PHF24: variants seen among roughly 807,000 people sequenced by gnomAD.
PHF24 encodes PHD finger protein 24, also known as Galpha inhibitory interacting protein.
Under a neutral mutation model 42.6 loss-of-function variants are expected in PHF24, and 25 were observed. That is an observed-to-expected ratio of 0.59 (90% CI 0.43 to 0.82). The LOEUF (loss-of-function observed/expected upper bound fraction) is 0.82. Ranked by LOEUF, PHF24 falls within the 40% of genes least tolerant of loss-of-function variation. PHF24 has a pLI of 0.00. For missense variants in PHF24, 470 were observed against 538.1 expected, an observed-to-expected ratio of 0.87 and a Z score of 1.25; for synonymous variants, 185 against 204.8, an observed-to-expected ratio of 0.90 and a Z score of 0.83.
the PHF24 span, among the ~76,000 whole-genome samples, chr9:34,862,131 C>T: frequency 6.6e-6 from 1 of 152,142 alleles, no homozygotes; most frequent in East Asian, 1.9e-4. Flanking sequence ...GGAAATCACC[C>T]ATCCCAGTAG....
the PHF24 span, among the ~76,000 whole-genome samples, chr9:34,703,023 A>T: frequency 2.0e-5 from 3 of 152,228 alleles, no homozygotes; most frequent in Admixed American, 2.0e-4. Context: ...GCTGAAGCTT[A>T]AGACATATTT....
At chr9:34,781,178 G>A in the PHF24 span, among the ~76,000 whole-genome samples, 3 of 152,180 alleles carry the variant, frequency 2.0e-5, no homozygotes, top group South Asian at 2.1e-4. Context: ...GTGCATAAAT[G>A]TTTATAACAG....
At chr9:34,785,078 T>C in the PHF24 span, among the ~76,000 whole-genome samples, 1 of 152,196 alleles carries the variant, frequency 6.6e-6, no homozygotes, top group Non-Finnish European at 1.5e-5. Flanking sequence ...AATTTATAAA[T>C]AAGAGAGATG....
At chr9:34,828,512 C>A in the PHF24 span, among the ~76,000 whole-genome samples, 2 of 152,166 alleles carry the variant, frequency 1.3e-5, no homozygotes, top group African/African-American at 4.8e-5. Context: ...CTGGAACAAA[C>A]CTCCTTGAAT....
At chr9:34,782,794 A>C in the PHF24 span, among the ~76,000 whole-genome samples, 1 of 152,184 alleles carries the variant, frequency 6.6e-6, no homozygotes, top group African/African-American at 2.4e-5. Context: ...GGAGAGGCCT[A>C]CATAGCAGTG....
the PHF24 span, among the ~76,000 whole-genome samples, chr9:34,874,703 C>T: frequency 6.6e-6 from 1 of 152,174 alleles, no homozygotes; most frequent in Non-Finnish European, 1.5e-5. Flanking sequence ...CAGAAAGGAT[C>T]AGCCTCTCAC....
chr9:34,918,184 T>G, the PHF24 span: 1 of 1,461,990 alleles, frequency 6.8e-7, no homozygotes, highest in Non-Finnish European at 9.6e-7. Flanking sequence ...AAGGGTTACT[T>G]TGAAGACCAT....
At chr9:34,815,270 G>C in the PHF24 span, among the ~76,000 whole-genome samples, 7 of 152,102 alleles carry the variant, frequency 4.6e-5, no homozygotes, top group Non-Finnish European at 8.8e-5. Flanking sequence ...TGGTTAATCT[G>C]TGTTGTTATT....
At chr9:34,730,110 T>C in the PHF24 span, among the ~76,000 whole-genome samples, 1 of 152,224 alleles carries the variant, frequency 6.6e-6, no homozygotes, top group Non-Finnish European at 1.5e-5. Context: ...GGGAGATGAA[T>C]GCCTGCAGAG....
At chr9:34,886,826 G>GTATGTATCTATCTATC in the PHF24 span, among the ~76,000 whole-genome samples, 818 of 80,872 alleles carry the variant, frequency 0.01, 8 homozygotes, top group African/African-American at 0.025. Context: ...ATGTATCTAT[G>GTATGTATCTATCTATC]TATCTATGTA....
the PHF24 span, among the ~76,000 whole-genome samples, chr9:34,771,993 T>C: frequency 1.3e-5 from 2 of 152,176 alleles, no homozygotes; most frequent in African/African-American, 2.4e-5. Flanking sequence ...ATAATAGCCG[T>C]TAAATAACAC....
chr9:34,727,157 G>A, the PHF24 span, among the ~76,000 whole-genome samples: 1 of 152,234 alleles, frequency 6.6e-6, no homozygotes, highest in Non-Finnish European at 1.5e-5. Context: ...ATTTGGCAAG[G>A]TGTGGTGGGC....
chr9:34,689,412 A>C, the PHF24 span, among the ~76,000 whole-genome samples: 1 of 151,876 alleles, frequency 6.6e-6, no homozygotes, highest in Non-Finnish European at 1.5e-5. This position sits in a 1 kb window ranked among gnomAD's most constrained non-coding sequence, Gnocchi z 4.1. Context: ...AGATCCTGCC[A>C]TTCCACCTCC....
the PHF24 span, among the ~76,000 whole-genome samples, chr9:34,789,969 C>T: frequency 6.6e-6 from 1 of 152,150 alleles, no homozygotes; most frequent in Non-Finnish European, 1.5e-5. Flanking sequence ...ATCTCAGCCT[C>T]CTGAATAGCT....
At chr9:34,843,101 C>T in the PHF24 span, among the ~76,000 whole-genome samples, 1 of 152,168 alleles carries the variant, frequency 6.6e-6, no homozygotes, top group Non-Finnish European at 1.5e-5. Context: ...TGGTAAAGGA[C>T]ACATTACTTG....
chr9:34,733,116 G>A, the PHF24 span, among the ~76,000 whole-genome samples: 2 of 152,138 alleles, frequency 1.3e-5, no homozygotes, highest in Non-Finnish European at 2.9e-5. Context: ...CCTACCAATT[G>A]TATGAATTTG....
the PHF24 span, chr9:34,689,518 A>C: frequency 3.9e-4 from 135 of 344,436 alleles, 3 homozygotes; most frequent in East Asian, 6.2e-3. The surrounding 1 kb of genome is among the most constrained non-coding windows in gnomAD (Gnocchi z 4.1). Flanking sequence ...AAGGCTAGTT[A>C]AGCAGTAGGA....
chr9:34,779,588 A>G, the PHF24 span, among the ~76,000 whole-genome samples: 1 of 152,200 alleles, frequency 6.6e-6, no homozygotes, highest in South Asian at 2.1e-4. Flanking sequence ...AAGTTGGAGG[A>G]ATCACACTTC....
chr9:34,831,786 C>T, the PHF24 span, among the ~76,000 whole-genome samples: 2 of 152,130 alleles, frequency 1.3e-5, no homozygotes, highest in African/African-American at 2.4e-5. Context: ...GCTTTCATTT[C>T]ATGCAACTGA....
Sources: allele counts gnomAD v4.1 joint callset (sites outside exome capture counted in the v4.1 genomes callset), GRCh38; gene constraint gnomAD v4.1.1; non-coding constraint Gnocchi (gnomAD v3.1); transcripts MANE v1.5; gene names NCBI Gene and HGNC (gene_info 2026-07-23, HGNC 2026-07-21).